Variants in TCF4 observed in about 807,000 individuals in gnomAD.
TCF4 encodes transcription factor 4.
A neutral mutation model predicts 82.1 loss-of-function variants in TCF4; 3 were observed. The observed-to-expected ratio is 0.04, with a 90% CI of 0.02 to 0.09. TCF4 has a LOEUF of 0.09. TCF4 is among the 10% of genes least tolerant of loss of function. TCF4 has a pLI of 1.00. For missense variants in TCF4, 518 were observed against 852.7 expected (o/e 0.61, Z 4.89); for synonymous variants, 276 against 309.6 (o/e 0.89, Z 1.14).
At chr18:55,506,316 T>C (rs922215223) in intron 3 of TCF4, among the ~76,000 whole-genome samples, 4 of 152,208 alleles carry the variant, frequency 2.6e-5, no homozygotes, top group Non-Finnish European at 4.4e-5. Flanking sequence ...ATTAGGCTAC[T>C]TACTAATAAG....
chr18:55,485,731 T>G (rs2096504623), intron 3 of TCF4, among the ~76,000 whole-genome samples: 1 of 152,248 alleles, frequency 6.6e-6, no homozygotes. Flanking sequence ...GACTAAGGAC[T>G]GCAGAATTTT....
At chr18:55,595,154 T>A (rs1007023978) in intron 2 of TCF4, among the ~76,000 whole-genome samples, 2 of 152,218 alleles carry the variant, frequency 1.3e-5, no homozygotes. Flanking sequence ...TGCCACTAAA[T>A]CTTTTGAGTC....
chr18:55,299,030 A>G (rs1013929691), intron 8 of TCF4, among the ~76,000 whole-genome samples: 5 of 152,222 alleles, frequency 3.3e-5, no homozygotes, highest in African/African-American at 1.2e-4. Context: ...CAGCTCTAAT[A>G]TAAAGATAAA....
chr18:55,371,900 G>T (rs1330293270), intron 6 of TCF4, among the ~76,000 whole-genome samples: 2 of 152,160 alleles, frequency 1.3e-5, no homozygotes, highest in Non-Finnish European at 2.9e-5. Flanking sequence ...ATACATAGCA[G>T]ATGATGCAAA....
At chr18:55,513,120 C>T (rs1287748458) in intron 3 of TCF4, among the ~76,000 whole-genome samples, 1 of 152,078 alleles carries the variant, frequency 6.6e-6, no homozygotes, top group African/African-American at 2.4e-5. Flanking sequence ...GGCATTTCAC[C>T]TATGCAAATC....
intron 8 of TCF4, among the ~76,000 whole-genome samples, chr18:55,295,114 G>A (rs1046861183): frequency 1.3e-5 from 2 of 152,152 alleles, no homozygotes; most frequent in African/African-American, 4.8e-5. Context: ...CTGACTGCTT[G>A]AAAAACTCTC....
chr18:55,453,583 C>T (rs879252547), intron 5 of TCF4, among the ~76,000 whole-genome samples: 1 of 152,056 alleles, frequency 6.6e-6, no homozygotes, highest in Admixed American at 6.5e-5. Context: ...AGAAATTCTT[C>T]TAAATGTTAT....
At chr18:55,449,609 G>C (rs889481016) in intron 5 of TCF4, among the ~76,000 whole-genome samples, 2 of 152,204 alleles carry the variant, frequency 1.3e-5, no homozygotes, top group African/African-American at 4.8e-5. Context: ...GTACAGCTTG[G>C]TCTGAATAGC....
At chr18:55,438,479 G>T (rs904769652) in intron 5 of TCF4, among the ~76,000 whole-genome samples, 2 of 152,050 alleles carry the variant, frequency 1.3e-5, no homozygotes, top group African/African-American at 2.4e-5. Context: ...ATAAAGAAAC[G>T]CAAATGTGAA....
intron 8 of TCF4, among the ~76,000 whole-genome samples, chr18:55,333,153 C>T (rs1446142361): frequency 5.3e-5 from 8 of 152,072 alleles, no homozygotes; most frequent in African/African-American, 1.9e-4. Flanking sequence ...CTTAAGGTTT[C>T]CTAACTCATT....
intron 3 of TCF4, among the ~76,000 whole-genome samples, chr18:55,522,228 G>C (rs1341479237): frequency 6.6e-6 from 1 of 152,126 alleles, no homozygotes; most frequent in African/African-American, 2.4e-5. Flanking sequence ...CTGACATGGA[G>C]ACCAGCATAC....
At chr18:55,404,761 A>C (rs1333267778) in intron 5 of TCF4, among the ~76,000 whole-genome samples, 1 of 152,130 alleles carries the variant, frequency 6.6e-6, no homozygotes, top group East Asian at 1.9e-4. Context: ...TATATCCATA[A>C]ATTTTTCTAT....
chr18:55,589,590 G>C (rs2097679700), upstream of TCF4: 1 of 1,042,436 alleles, frequency 9.6e-7, no homozygotes, highest in Non-Finnish European at 1.2e-6. Context: ...ATGAACACAG[G>C]ATAGTTATAA....
At chr18:55,610,037 TTGTC>T (rs763622811) in intron 2 of TCF4, among the ~76,000 whole-genome samples, 4 of 152,192 alleles carry the variant, frequency 2.6e-5, no homozygotes, top group Non-Finnish European at 1.5e-5. Context: ...GGCAGGGTTT[TTGTC>T]TGTTTCTTCA....
intron 8 of TCF4, among the ~76,000 whole-genome samples, chr18:55,291,277 A>T (rs929011823): frequency 6.6e-6 from 1 of 152,188 alleles, no homozygotes; most frequent in Non-Finnish European, 1.5e-5. Context: ...TCTGGTGGAC[A>T]ACTTTTCATA....
chr18:55,489,141 T>G (rs773228714), intron 3 of TCF4, among the ~76,000 whole-genome samples: 5 of 152,192 alleles, frequency 3.3e-5, no homozygotes, highest in Non-Finnish European at 7.3e-5. Flanking sequence ...GCACCCACTT[T>G]GAGAAGTACT....
chr18:55,417,702 AT>A (rs910703286), intron 5 of TCF4, among the ~76,000 whole-genome samples: 20 of 152,300 alleles, frequency 1.3e-4, no homozygotes, highest in African/African-American at 4.3e-4. Flanking sequence ...CTAAAATAAT[AT>A]TTGTCATTAG....
At chr18:55,292,695 A>C (rs2065362219) in intron 8 of TCF4, among the ~76,000 whole-genome samples, 1 of 109,056 alleles carries the variant, frequency 9.2e-6, no homozygotes, top group Non-Finnish European at 1.8e-5. Context: ...AATAGACATG[A>C]ATGTGTGTGT....
At chr18:55,440,811 G>C (rs2095425170) in intron 5 of TCF4, among the ~76,000 whole-genome samples, 1 of 152,082 alleles carries the variant, frequency 6.6e-6, no homozygotes, top group Non-Finnish European at 1.5e-5. Context: ...TTTCCATCCT[G>C]TTAGCCTGAT....
Sources: allele counts gnomAD v4.1 joint callset (sites outside exome capture counted in the v4.1 genomes callset), GRCh38; gene constraint gnomAD v4.1.1; transcripts MANE v1.5; gene names NCBI Gene and HGNC (gene_info 2026-07-23, HGNC 2026-07-21).